Variants in SGCZ observed in about 807,000 individuals in gnomAD.
The protein encoded by SGCZ is zeta-sarcoglycan.
SGCZ carries 40 observed loss-of-function variants against 41.3 expected under a neutral mutation model. The observed-to-expected ratio is 0.97, with a 90% confidence interval of 0.75 to 1.26. The LOEUF (loss-of-function observed/expected upper bound fraction) is 1.26, where lower values mean the gene tolerates loss of function less well. SGCZ is among the 50% of genes most tolerant of loss of function. The pLI is 0.00. For missense variants in SGCZ, 552 were observed against 369.8 expected, an observed-to-expected ratio of 1.49 and a Z score of -4.04; for synonymous variants, 206 against 137.5, an observed-to-expected ratio of 1.50 and a Z score of -3.49.
intron 2 of SGCZ, among the ~76,000 whole-genome samples, chr8:14,476,897 T>A (rs11985895): frequency 6.6e-6 from 1 of 152,172 alleles, no homozygotes; most frequent in Non-Finnish European, 1.5e-5. Flanking sequence ...GACATTCATG[T>A]ACTCTAAACC....
intron 1 of SGCZ, among the ~76,000 whole-genome samples, chr8:14,733,217 G>C (rs920343772): frequency 5.9e-5 from 9 of 152,088 alleles, no homozygotes; most frequent in African/African-American, 1.9e-4. Context: ...AGGTATCTAG[G>C]GACAATCTAG....
intron 2 of SGCZ, among the ~76,000 whole-genome samples, chr8:14,530,568 A>G (rs1464869992): frequency 2.0e-5 from 3 of 152,130 alleles, no homozygotes; most frequent in Admixed American, 1.3e-4. Context: ...TGAAAGTACA[A>G]TGAGATTGGC....
intron 1 of SGCZ, among the ~76,000 whole-genome samples, chr8:14,850,910 C>G (rs1353890565): frequency 2.6e-5 from 4 of 152,146 alleles, no homozygotes; most frequent in African/African-American, 4.8e-5. Context: ...TTTTAAGTTT[C>G]CTGACACCTC....
intron 2 of SGCZ, among the ~76,000 whole-genome samples, chr8:14,369,232 A>T (rs1803823812): frequency 6.6e-6 from 1 of 152,034 alleles, no homozygotes; most frequent in Non-Finnish European, 1.5e-5. Flanking sequence ...AATCCAATCC[A>T]ATCCAATCTA....
intron 1 of SGCZ, among the ~76,000 whole-genome samples, chr8:14,950,181 T>C (rs1800587378): frequency 6.6e-6 from 1 of 152,028 alleles, no homozygotes; most frequent in Non-Finnish European, 1.5e-5. Flanking sequence ...ATTCAATAAA[T>C]AAATGGCTAC....
At chr8:14,234,919 A>G (rs930968701) in intron 4 of SGCZ, among the ~76,000 whole-genome samples, 1 of 152,172 alleles carries the variant, frequency 6.6e-6, no homozygotes, top group African/African-American at 2.4e-5. Flanking sequence ...CTTATCTAAT[A>G]TCACACAGAT....
chr8:14,409,186 G>C (rs184173988), intron 2 of SGCZ, among the ~76,000 whole-genome samples: 23 of 151,930 alleles, frequency 1.5e-4, no homozygotes, highest in Admixed American at 1.5e-3. Flanking sequence ...TAACCAACAC[G>C]TTATTTATTA....
intron 3 of SGCZ, among the ~76,000 whole-genome samples, chr8:14,299,529 T>A (rs1215200935): frequency 6.6e-6 from 1 of 151,880 alleles, no homozygotes; most frequent in African/African-American, 2.4e-5. Context: ...GGAAAAGATA[T>A]GTAAATGGCC....
intron 1 of SGCZ, among the ~76,000 whole-genome samples, chr8:14,999,292 T>G (rs1802325915): frequency 6.6e-6 from 1 of 152,194 alleles, no homozygotes; most frequent in Non-Finnish European, 1.5e-5. Flanking sequence ...AGCAGTTTTA[T>G]TACACATTAA....
intron 1 of SGCZ, among the ~76,000 whole-genome samples, chr8:14,782,082 G>C (rs768724348): frequency 6.6e-6 from 1 of 152,086 alleles, no homozygotes; most frequent in African/African-American, 2.4e-5. Context: ...TGATACCGAT[G>C]TATTTAGCAA....
intron 1 of SGCZ, among the ~76,000 whole-genome samples, chr8:14,564,666 A>G (rs1447120401): frequency 6.6e-6 from 1 of 152,216 alleles, no homozygotes; most frequent in Non-Finnish European, 1.5e-5. Flanking sequence ...TTTTATTGGA[A>G]TTAACTTTTA....
intron 3 of SGCZ, among the ~76,000 whole-genome samples, chr8:14,292,948 C>T (rs1800889982): frequency 6.6e-6 from 1 of 151,872 alleles, no homozygotes; most frequent in African/African-American, 2.4e-5. Flanking sequence ...TGATGTATAA[C>T]ATCTAGAAAA....
chr8:15,175,476 G>A (rs1447512798), intron 1 of SGCZ, among the ~76,000 whole-genome samples: 1 of 152,112 alleles, frequency 6.6e-6, no homozygotes, highest in Non-Finnish European at 1.5e-5. Context: ...ATAAGTGGGA[G>A]CTAAATGATG....
intron 1 of SGCZ, among the ~76,000 whole-genome samples, chr8:15,212,002 A>G (rs1801250865): frequency 6.6e-6 from 1 of 152,168 alleles, no homozygotes; most frequent in African/African-American, 2.4e-5. Context: ...ATGTTATCAG[A>G]TAAGGTTTTG....
chr8:14,994,657 T>G (rs1029664694), intron 1 of SGCZ, among the ~76,000 whole-genome samples: 2 of 151,854 alleles, frequency 1.3e-5, no homozygotes, highest in Non-Finnish European at 2.9e-5. Flanking sequence ...GGGGCGTGTG[T>G]GTATGTGTGT....
At chr8:15,149,771 T>C (rs1182896543) in intron 1 of SGCZ, among the ~76,000 whole-genome samples, 1 of 148,890 alleles carries the variant, frequency 6.7e-6, no homozygotes, top group Non-Finnish European at 1.5e-5. Flanking sequence ...GTTTAAAAAT[T>C]TCAAATGCAT....
chr8:14,537,696 T>C (rs973486496), intron 2 of SGCZ, among the ~76,000 whole-genome samples: 3 of 151,910 alleles, frequency 2.0e-5, no homozygotes, highest in African/African-American at 7.2e-5. Flanking sequence ...ACTAATAATA[T>C]GAGCTTTATC....
intron 1 of SGCZ, among the ~76,000 whole-genome samples, chr8:14,758,730 C>T (rs570986455): frequency 5.9e-5 from 9 of 152,052 alleles, no homozygotes; most frequent in Admixed American, 1.3e-4. Flanking sequence ...TACAGTAGGC[C>T]GAGTGCGGTG....
chr8:14,330,413 G>T (rs1341031255), intron 2 of SGCZ, among the ~76,000 whole-genome samples: 3 of 152,002 alleles, frequency 2.0e-5, no homozygotes, highest in Non-Finnish European at 4.4e-5. Flanking sequence ...TTTAAAAACT[G>T]AAAGTAATCT....
Sources: gnomAD v4.1 joint callset for allele counts (sites outside exome capture counted in the v4.1 genomes callset) on GRCh38, gnomAD v4.1.1 for gene constraint, MANE v1.5 for transcripts, NCBI Gene and HGNC (gene_info 2026-07-23, HGNC 2026-07-21) for gene names.